MCTP2: variants seen among roughly 807,000 people sequenced by gnomAD.
MCTP2 encodes the protein multiple C2 and transmembrane domain-containing protein 2.
Under a neutral mutation model 111.6 loss-of-function variants are expected in MCTP2, and 132 were observed. The ratio of observed to expected loss-of-function variants is 1.18; its 90% CI spans 1.03 to 1.37. The LOEUF (loss-of-function observed/expected upper bound fraction) is 1.37. Among genes scored for constraint, MCTP2 ranks in the 40% most tolerant of loss-of-function variants. The pLI is 0.00. For synonymous variants in MCTP2, 395 were observed against 387.7 expected, an observed-to-expected ratio of 1.02 and a Z score of -0.22; for missense variants, 1,183 against 1,067.9, an observed-to-expected ratio of 1.11 and a Z score of -1.50.
At chr15:94,244,882 A>G (rs944129227) in intron 1 of MCTP2, among the ~76,000 whole-genome samples, 1 of 146,608 alleles carries the variant, frequency 6.8e-6, no homozygotes, top group Non-Finnish European at 1.5e-5. Context: ...ATGTTTATAT[A>G]CGTATATGTA....
At chr15:94,356,703 T>G (rs3825966) in intron 9 of MCTP2, among the ~76,000 whole-genome samples, 26,343 of 152,176 alleles carry the variant, frequency 0.17, 2,789 homozygotes, top group East Asian at 0.31. Flanking sequence ...AATATTTGCT[T>G]TCTCTTGCTT....
At chr15:94,403,066 A>C in intron 17 of MCTP2, 1 of 987,236 alleles carries the variant, frequency 1.0e-6, no homozygotes, top group Non-Finnish European at 1.2e-6. Context: ...GCCATCAAGT[A>C]TATCAGCTCC....
intron 1 of MCTP2, among the ~76,000 whole-genome samples, chr15:94,246,050 C>T (rs1433257534): frequency 6.6e-6 from 1 of 151,900 alleles, no homozygotes; most frequent in African/African-American, 2.4e-5. Context: ...TGACTTGAGT[C>T]TGGAAGAATG....
chr15:94,390,049 CATATATATATATATATATATATATATAT>C (rs1169783409), intron 14 of MCTP2, among the ~76,000 whole-genome samples: 2 of 109,678 alleles, frequency 1.8e-5, no homozygotes, highest in Non-Finnish European at 3.4e-5. Flanking sequence ...ATGTTCAAGG[CATATATATATATATATATATATATATAT>C]ATATATATAT....
At chr15:94,233,477 T>G (rs1400553251) in intron 1 of MCTP2, among the ~76,000 whole-genome samples, 1 of 152,114 alleles carries the variant, frequency 6.6e-6, no homozygotes, top group African/African-American at 2.4e-5. Flanking sequence ...CCTGCAGAGG[T>G]GAGTTTCTCA....
chr15:94,266,011 A>G (rs2073501726), intron 1 of MCTP2, among the ~76,000 whole-genome samples: 1 of 152,210 alleles, frequency 6.6e-6, no homozygotes, highest in Admixed American at 6.5e-5. Context: ...TTTTTTAGTA[A>G]GACAAGATCA....
chr15:94,328,938 G>C (rs1265951392), intron 4 of MCTP2, among the ~76,000 whole-genome samples: 2 of 152,138 alleles, frequency 1.3e-5, no homozygotes, highest in Non-Finnish European at 2.9e-5. Flanking sequence ...AGATGAAGAT[G>C]GTTCCACATG....
At chr15:94,235,059 C>T (rs2152206793) in intron 1 of MCTP2, among the ~76,000 whole-genome samples, 1 of 152,210 alleles carries the variant, frequency 6.6e-6, no homozygotes, top group East Asian at 1.9e-4. Flanking sequence ...CGAGACCGGC[C>T]TGGCCAATAT....
At chr15:94,256,569 G>A (rs2152274932) in intron 1 of MCTP2, among the ~76,000 whole-genome samples, 1 of 152,290 alleles carries the variant, frequency 6.6e-6, no homozygotes, top group Non-Finnish European at 1.5e-5. Flanking sequence ...TGTTTAAATT[G>A]AGAGGCTATT....
intron 1 of MCTP2, among the ~76,000 whole-genome samples, chr15:94,288,777 A>G (rs751588994): frequency 4.6e-5 from 7 of 152,234 alleles, no homozygotes; most frequent in Non-Finnish European, 8.8e-5. Flanking sequence ...GTCTTGAAAT[A>G]AAAGATAGAA....
chr15:94,314,426 CTT>C, intron 3 of MCTP2, 82 bp downstream of exon 3: 2 of 915,294 alleles, frequency 2.2e-6, no homozygotes, highest in South Asian at 1.7e-5. Context: ...TTTTTTGCCT[CTT>C]TTATTGCTAA....
chr15:94,469,802 G>A (rs1355225569), intron 20 of MCTP2, among the ~76,000 whole-genome samples: 2 of 152,040 alleles, frequency 1.3e-5, no homozygotes, highest in Admixed American at 6.6e-5. Context: ...AGCCTGGGGG[G>A]TCGAGGCTGC....
chr15:94,274,640 A>G (rs1324545932), intron 1 of MCTP2, among the ~76,000 whole-genome samples: 1 of 152,180 alleles, frequency 6.6e-6, no homozygotes, highest in Non-Finnish European at 1.5e-5. Context: ...CCCCCTCCCC[A>G]CAACAGCAAA....
intron 8 of MCTP2, among the ~76,000 whole-genome samples, chr15:94,350,455 A>C (rs2078243376): frequency 2.6e-5 from 4 of 152,202 alleles, no homozygotes; most frequent in Admixed American, 1.3e-4. Flanking sequence ...CTGTAGTCCA[A>C]GCTACTTGGG....
At chr15:94,344,708 C>T (rs1368948924) in intron 7 of MCTP2, among the ~76,000 whole-genome samples, 1 of 152,102 alleles carries the variant, frequency 6.6e-6, no homozygotes, top group African/African-American at 2.4e-5. Context: ...TTTTTTCTAG[C>T]ATCTAAAACT....
chr15:94,340,813 A>G lies in MCTP2; in HGVS notation c.858A>G (p.Arg286=), dbSNP rs749953114. Residue 286 remains arginine, a splice_region_variant and synonymous_variant, in exon 7 of 23, where the codon AGA becomes AGG. Transcript: ENST00000357742. ...ATTATTTGTTGCTTTTTGCTTGTAG[A>G]ACAACTGAACATATTTTAAAACTGG... The part of the protein sequence containing the change: ...FVILSDLELN[R]TTEHILKLED... 2.5e-6 allele frequency: 4 copies of G among 1,599,368 alleles called. No homozygotes were observed. Among genetic ancestry groups the G allele is most frequent in the Non-Finnish European group, 3.4e-6 (4 of 1,167,778 alleles).
chr15:94,417,699 G>A lies in MCTP2; in HGVS notation c.2085+15680G>A, dbSNP rs146436751. 1.1e-4 allele frequency among the ~76,000 whole-genome samples: 17 copies of A among 152,236 alleles called. No homozygotes were observed. In the East Asian group the frequency reaches 3.3e-3, roughly 29 times the overall value. ...CGTTCTTGTTTTTAGTGGCAAGTAT[G>A]TGTGGCTCTGATACAAGCACAATTT... On this transcript the variant is annotated intron_variant, in intron 17 of 22. Coordinates refer to ENST00000357742, the MANE Select transcript of MCTP2 (RefSeq NM_001385001.1).
At chr15:94,259,682 C>T (rs2073063077) in intron 1 of MCTP2, among the ~76,000 whole-genome samples, 1 of 152,104 alleles carries the variant, frequency 6.6e-6, no homozygotes, top group Non-Finnish European at 1.5e-5. Flanking sequence ...CAAACCTGGC[C>T]CAAGGTTGGT....
intron 1 of MCTP2, among the ~76,000 whole-genome samples, chr15:94,257,842 C>T (rs1436674334): frequency 6.6e-6 from 1 of 151,092 alleles, no homozygotes; most frequent in African/African-American, 2.4e-5. Context: ...TCCTCGGCCT[C>T]CCAAAGTGTC....
Sources: gnomAD v4.1 joint callset for allele counts (sites outside exome capture counted in the v4.1 genomes callset) on GRCh38, gnomAD v4.1.1 for gene constraint, MANE v1.5 for transcripts, NCBI Gene and HGNC (gene_info 2026-07-23, HGNC 2026-07-21) for gene names.